The following FAR2 variants were observed in gnomAD, a reference collection of about 807,000 sequenced individuals.
FAR2 encodes the protein epididymis secretory protein Li 81.
A neutral mutation model predicts 56.0 loss-of-function variants in FAR2; 19 were observed. That is an observed-to-expected ratio of 0.34 (90% CI 0.24 to 0.50). The LOEUF (loss-of-function observed/expected upper bound fraction) is 0.50, where lower values mean the gene tolerates loss of function less well. FAR2 is among the 20% of genes least tolerant of loss of function. FAR2 has a pLI of 0.98. For missense variants in FAR2, 508 were observed against 642.2 expected (o/e 0.79, Z 2.26); for synonymous variants, 219 against 218.8 (o/e 1.00, Z -0.01).
At chr12:29,200,615 A>G (rs1162649606) in intron 1 of FAR2, among the ~76,000 whole-genome samples, 1 of 152,238 alleles carries the variant, frequency 6.6e-6, no homozygotes, top group Non-Finnish European at 1.5e-5. Context: ...TGGAAGGCTG[A>G]GAAGTTTGCA....
intron 2 of FAR2, among the ~76,000 whole-genome samples, chr12:29,284,418 T>G (rs980506392): frequency 6.6e-6 from 1 of 152,206 alleles, no homozygotes; most frequent in Admixed American, 6.5e-5. Flanking sequence ...GTAAGTGGGT[T>G]TATAAACAAA....
intron 1 of FAR2, among the ~76,000 whole-genome samples, chr12:29,186,755 A>ATTTATTTT (rs1481530321): frequency 2.2e-5 from 1 of 46,324 alleles, no homozygotes; most frequent in African/African-American, 4.1e-5. Flanking sequence ...TTCTTTATTT[A>ATTTATTTT]TTATTTATTT....
At chr12:29,295,703 C>T (rs12304963) in intron 3 of FAR2, among the ~76,000 whole-genome samples, 2,388 of 149,136 alleles carry the variant, frequency 0.016, 63 homozygotes, top group African/African-American at 0.05. Context: ...CATTTCTTCC[C>T]TTTTCTTCTC....
At chr12:29,257,157 A>G (rs1193536332) in intron 1 of FAR2, among the ~76,000 whole-genome samples, 1 of 152,136 alleles carries the variant, frequency 6.6e-6, no homozygotes, top group East Asian at 1.9e-4. Context: ...GGGATTGTAA[A>G]TACACCAATA....
intron 1 of FAR2, chr12:29,156,519 G>A (rs776379475): frequency 6.6e-6 from 1 of 152,010 alleles, no homozygotes; most frequent in Admixed American, 6.6e-5. Flanking sequence ...ATAAAACTAC[G>A]GCATCCAGAG....
chr12:29,177,324 G>C (rs1949948287), intron 1 of FAR2, among the ~76,000 whole-genome samples: 1 of 152,102 alleles, frequency 6.6e-6, no homozygotes, highest in Non-Finnish European at 1.5e-5. Context: ...AATGTACAGG[G>C]CAAAAAACAG....
intron 4 of FAR2, chr12:29,301,902 T>C (rs1442120147): frequency 6.6e-6 from 1 of 152,172 alleles, no homozygotes; most frequent in Non-Finnish European, 1.5e-5. Flanking sequence ...CCATGGTCTT[T>C]CCAGTCTACT....
At chr12:29,191,562 A>C (rs758190137) in intron 1 of FAR2, among the ~76,000 whole-genome samples, 7 of 152,272 alleles carry the variant, frequency 4.6e-5, no homozygotes, top group Non-Finnish European at 7.3e-5. Context: ...AATGCAACAT[A>C]ATAGCCAAAA....
Position 29,322,331 on chromosome 12 carries a change from T to C in FAR2, c.1257+407T>C, listed in dbSNP as rs116559532. Among the ~76,000 whole-genome samples, 877 of 152,334 alleles carry C rather than the reference T, an allele frequency of 5.8e-3. 9 individuals are homozygous for C. Among genetic ancestry groups the C allele is most frequent in the African/African-American group, 0.02 (839 of 41,568 alleles). On this transcript the variant is annotated intron_variant, in intron 10 of 11. Coordinates refer to ENST00000536681, the MANE Select transcript of FAR2 (RefSeq NM_001271783.2). ...GCTTATAAACTCAATCATCCACTAT[T>C]CTTGTCCAATCAAAATTGTTCTGCC...
intron 2 of FAR2, among the ~76,000 whole-genome samples, chr12:29,272,683 T>A (rs898605874): frequency 2.6e-5 from 4 of 152,196 alleles, no homozygotes; most frequent in Non-Finnish European, 5.9e-5. Context: ...GATGGAGAGA[T>A]GTTGTGATCA....
At chr12:29,314,188 C>T (rs1949405085) in intron 8 of FAR2, among the ~76,000 whole-genome samples, 1 of 152,180 alleles carries the variant, frequency 6.6e-6, no homozygotes. Context: ...ATCAGAAAGA[C>T]AGTAGCTTAA....
intron 1 of FAR2, among the ~76,000 whole-genome samples, chr12:29,239,535 A>G (rs1290471556): frequency 1.3e-5 from 2 of 151,738 alleles, no homozygotes; most frequent in African/African-American, 4.8e-5. Flanking sequence ...CCCTTGGCTA[A>G]GAGGGCAGAG....
chr12:29,216,143 A>T (rs1001947314), intron 1 of FAR2, among the ~76,000 whole-genome samples: 5 of 152,232 alleles, frequency 3.3e-5, no homozygotes, highest in African/African-American at 7.2e-5. Context: ...CCAGAGTGTT[A>T]GGAACTACCT....
At chr12:29,187,482 C>A (rs1040913508) in intron 1 of FAR2, among the ~76,000 whole-genome samples, 15 of 151,958 alleles carry the variant, frequency 9.9e-5, no homozygotes, top group Admixed American at 8.5e-4. Flanking sequence ...TTAAACACAG[C>A]AAACCATAGA....
chr12:29,157,106 T>TTTTATA (rs1207127541), intron 1 of FAR2: 62 of 73,450 alleles, frequency 8.4e-4, no homozygotes, highest in Admixed American at 1.6e-3. Context: ...AAAGAACATT[T>TTTTATA]TATATATATA....
intron 1 of FAR2, among the ~76,000 whole-genome samples, chr12:29,174,450 TTTGTG>T: frequency 7.4e-6 from 1 of 134,900 alleles, no homozygotes; most frequent in African/African-American, 3.3e-5. Flanking sequence ...TTTTTTTTTT[TTTGTG>T]AGATGGAGTC....
At chr12:29,280,874 C>CT (rs1207400227) in intron 2 of FAR2, 16 of 152,258 alleles carry the variant, frequency 1.1e-4, no homozygotes, top group African/African-American at 3.9e-4. Flanking sequence ...CACTGGGCAT[C>CT]TAACCACAAG....
chr12:29,266,580 A>G (rs1253198511), intron 1 of FAR2, among the ~76,000 whole-genome samples: 1 of 152,114 alleles, frequency 6.6e-6, no homozygotes, highest in African/African-American at 2.4e-5. Flanking sequence ...CTAGTATTTG[A>G]TATCAAAACA....
intron 1 of FAR2, among the ~76,000 whole-genome samples, chr12:29,164,886 A>G (rs1949812066): frequency 6.6e-6 from 1 of 152,224 alleles, no homozygotes; most frequent in African/African-American, 2.4e-5. Flanking sequence ...AGCAAGCTGG[A>G]CACCCTAGCA....
Sources: gnomAD v4.1 joint callset for allele counts (sites outside exome capture counted in the v4.1 genomes callset) on GRCh38, gnomAD v4.1.1 for gene constraint, MANE v1.5 for transcripts, NCBI Gene and HGNC (gene_info 2026-07-23, HGNC 2026-07-21) for gene names.